Variants in SLC9A8 observed in about 807,000 individuals in gnomAD.
SLC9A8 encodes the protein solute carrier family 9 member A8, also known as sodium/hydrogen exchanger 8.
In SLC9A8, 48 loss-of-function variants were observed where a neutral mutation model predicts 66.6. That is an observed-to-expected ratio of 0.72 (90% CI 0.57 to 0.92). The LOEUF (loss-of-function observed/expected upper bound fraction) is 0.92. SLC9A8 is among the 40% of genes least tolerant of loss of function. The probability of loss-of-function intolerance (pLI) is 0.00; values close to 1 mark genes in which losing one functional copy is unlikely to be tolerated. For missense variants in SLC9A8, 599 were observed against 747.3 expected, an observed-to-expected ratio of 0.80 and a Z score of 2.31; for synonymous variants, 274 against 282.6, an observed-to-expected ratio of 0.97 and a Z score of 0.31.
chr20:49,822,248 C>T (rs75126534), intron 2 of SLC9A8, among the ~76,000 whole-genome samples: 2 of 152,152 alleles, frequency 1.3e-5, no homozygotes, highest in African/African-American at 4.8e-5. Flanking sequence ...TTACTTTTTC[C>T]TGTTTGTAAA....
intron 8 of SLC9A8, among the ~76,000 whole-genome samples, chr20:49,857,920 A>T (rs2088570230): frequency 1.3e-5 from 2 of 152,206 alleles, no homozygotes; most frequent in South Asian, 4.1e-4. Flanking sequence ...GCCTTAAAAA[A>T]CAACCAAACT....
intron 10 of SLC9A8, among the ~76,000 whole-genome samples, chr20:49,867,801 A>G (rs1339396504): frequency 6.6e-6 from 1 of 152,216 alleles, no homozygotes; most frequent in Non-Finnish European, 1.5e-5. Context: ...AGAGCAGGAC[A>G]GTGTTCTGTG....
At chr20:49,827,850 T>C (rs989151468) in intron 3 of SLC9A8, among the ~76,000 whole-genome samples, 3 of 152,114 alleles carry the variant, frequency 2.0e-5, no homozygotes, top group African/African-American at 4.8e-5. Flanking sequence ...CTAGATTTGA[T>C]TGAATCATTG....
Position 49,883,937 on chromosome 20 carries a change from C to T in SLC9A8, c.1362C>T (p.Val454=). 1 of 1,612,834 alleles carries T rather than the reference C, an allele frequency of 6.2e-7. No individual in the cohort carries two copies. The highest frequency in any genetic ancestry group is 8.5e-7 in the Non-Finnish European group (1 of 1,180,008). The change falls in exon 14 of 16, where the codon GTC becomes GTT. Residue 454 remains valine (V), a synonymous_variant. Transcript: ENST00000361573. ...KRQLIGTTTI[V]IVLFTILLLG... The stretch of plus-strand genomic sequence containing the variant: ...AGCTCATCGGCACCACCACCATCGT[C>T]ATCGTGCTCTTCACCATCCTGCTGC...
At chr20:49,858,069 A>G (rs570370268) in intron 8 of SLC9A8, among the ~76,000 whole-genome samples, 8 of 152,336 alleles carry the variant, frequency 5.3e-5, no homozygotes, top group African/African-American at 1.7e-4. Flanking sequence ...GTGTAAATAT[A>G]TATACATTTT....
At chr20:49,867,112 C>G (rs577243085) in intron 10 of SLC9A8, among the ~76,000 whole-genome samples, 9 of 152,106 alleles carry the variant, frequency 5.9e-5, no homozygotes, top group Non-Finnish European at 1.2e-4. Flanking sequence ...GTTGATTTTT[C>G]TTGTGCTTAT....
chr20:49,825,681 G>T (rs751163567), intron 3 of SLC9A8, among the ~76,000 whole-genome samples: 2 of 152,096 alleles, frequency 1.3e-5, no homozygotes, highest in Non-Finnish European at 2.9e-5. Context: ...GGGTAGGGGC[G>T]CTCACCTCTT....
intron 10 of SLC9A8, among the ~76,000 whole-genome samples, chr20:49,867,590 C>G (rs1056658893): frequency 3.3e-5 from 5 of 152,196 alleles, no homozygotes; most frequent in African/African-American, 9.7e-5. Flanking sequence ...TCCAAGAGCT[C>G]TCTTTCTGTG....
chr20:49,886,743 C>T lies in SLC9A8; in HGVS notation c.1492-9C>T. 1.2e-6 allele frequency: 2 copies of T among 1,610,978 alleles called. No individual in the cohort carries two copies. Among genetic ancestry groups the T allele is most frequent in the African/African-American group, 1.3e-5 (1 of 74,954 alleles). On this transcript the variant is annotated splice_polypyrimidine_tract_variant and intron_variant, in intron 14 of 15. Coordinates refer to ENST00000361573, the MANE Select transcript of SLC9A8 (RefSeq NM_015266.3). The surrounding 1 kb of genome is among the most constrained non-coding windows in gnomAD (Gnocchi z 4.8). The stretch of plus-strand genomic sequence containing the variant: ...GGTGGCCGTCGGGCCGCCTTTCCTC[C>T]CTGCTCAGGGCAACACTGTGGAGTC...
chr20:49,882,978 C>T lies in SLC9A8; in HGVS notation c.1271-868C>T, dbSNP rs115474712. On this transcript the variant is annotated intron_variant, in intron 13 of 15. Transcript: ENST00000361573. Reference sequence around the variant, plus strand: ...CCCCGCTTTCCTGTCTGGGGAAGGTCCTGGTGCTGTCTGCACCATGCCCCC... The same window carrying T: ...CCCCGCTTTCCTGTCTGGGGAAGGTTCTGGTGCTGTCTGCACCATGCCCCC... Among the ~76,000 whole-genome samples, 1,069 of 151,960 alleles carry T rather than the reference C, an allele frequency of 7.0e-3. 10 individuals are homozygous for T. The highest frequency in any genetic ancestry group is 0.021 in the African/African-American group (882 of 41,420).
At chr20:49,877,468 C>G (rs1051940665) in intron 11 of SLC9A8, among the ~76,000 whole-genome samples, 2 of 152,056 alleles carry the variant, frequency 1.3e-5, no homozygotes, top group African/African-American at 4.8e-5. Context: ...AGAGTGGAGC[C>G]AGGAGTTAGC....
chr20:49,871,437 T>TA (rs1309777628), intron 10 of SLC9A8, among the ~76,000 whole-genome samples: 2 of 152,252 alleles, frequency 1.3e-5, no homozygotes, highest in Non-Finnish European at 2.9e-5. Context: ...TTTGCTTTCT[T>TA]AAACGATTTT....
intron 2 of SLC9A8, among the ~76,000 whole-genome samples, chr20:49,816,733 CT>C (rs1387944306): frequency 2.7e-5 from 4 of 149,008 alleles, no homozygotes; most frequent in South Asian, 2.1e-4. Flanking sequence ...AGTTCAAATT[CT>C]TTTTTTTTTC....
At chr20:49,851,939 A>G (rs1490203877) in intron 7 of SLC9A8, among the ~76,000 whole-genome samples, 1 of 152,232 alleles carries the variant, frequency 6.6e-6, no homozygotes, top group Non-Finnish European at 1.5e-5. Flanking sequence ...ATGCTGGATA[A>G]CTTCCTGTGA....
chr20:49,879,481 T>C (rs955461466), intron 12 of SLC9A8, among the ~76,000 whole-genome samples: 10 of 152,254 alleles, frequency 6.6e-5, no homozygotes, highest in South Asian at 2.1e-4. Flanking sequence ...GGATAATGCA[T>C]GTAAAATGAT....
intron 1 of SLC9A8, 97 bp from the exon 2 acceptor site, chr20:49,814,911 A>G: frequency 3.0e-6 from 3 of 1,010,302 alleles, no homozygotes; most frequent in Middle Eastern, 2.6e-4. Context: ...TGAATCCCAT[A>G]AAGTTCTTGG....
chr20:49,834,167 CTCTCTCTCTCTCTCTCTCTATA>C (rs1226105388), intron 3 of SLC9A8, among the ~76,000 whole-genome samples: 8 of 57,766 alleles, frequency 1.4e-4, no homozygotes, highest in Non-Finnish European at 2.2e-4. Context: ...CTCTCTCTCT[CTCTCTCTCTCTCTCTCTCTATA>C]TATATATATA....
At chr20:49,838,288 A>G (rs529801080) in intron 3 of SLC9A8, among the ~76,000 whole-genome samples, 20 of 152,220 alleles carry the variant, frequency 1.3e-4, no homozygotes, top group Non-Finnish European at 2.9e-4. Flanking sequence ...CCAATAAAAC[A>G]TGTAAAAGCT....
In SLC9A8 at chr20:49,812,952, A is replaced by C. The variant is rs1221209467; in HGVS notation, c.26+4A>C. On this transcript the variant is annotated splice_donor_region_variant and intron_variant, in intron 1 of 15. Coordinates refer to ENST00000361573, the MANE Select transcript of SLC9A8 (RefSeq NM_015266.3). ...GGGAGAAGATGGCGGAAGAGGAGTG[A>C]GTGGGCTTTTTCCCGGGCGGCGGAG... is the stretch of plus-strand genomic sequence containing the variant. The C allele has an allele frequency of 1.3e-5, 19 of 1,429,604 alleles. No homozygotes were observed. Among genetic ancestry groups the C allele is most frequent in the Non-Finnish European group, 1.7e-5 (19 of 1,092,216 alleles). The allele number at this position is 1,429,604 out of a possible 1,614,324, so 88.6% of individuals were successfully genotyped here.
Sources: allele counts gnomAD v4.1 joint callset (sites outside exome capture counted in the v4.1 genomes callset), GRCh38; gene constraint gnomAD v4.1.1; non-coding constraint Gnocchi (gnomAD v3.1); transcripts MANE v1.5; gene names NCBI Gene and HGNC (gene_info 2026-07-23, HGNC 2026-07-21).